PIGB: variants seen among roughly 807,000 people sequenced by gnomAD.
The protein encoded by PIGB is phosphatidylinositol glycan anchor biosynthesis class B.
Under a neutral mutation model 68.4 loss-of-function variants are expected in PIGB, and 58 were observed. The observed-to-expected ratio is 0.85, with a 90% CI of 0.69 to 1.06. The LOEUF (loss-of-function observed/expected upper bound fraction) is 1.06, where lower values mean the gene tolerates loss of function less well. Ranked by LOEUF, PIGB falls within the 50% of genes least tolerant of loss-of-function variation. The probability of loss-of-function intolerance (pLI) is 0.00; values close to 1 mark genes in which losing one functional copy is unlikely to be tolerated. For synonymous variants in PIGB, 219 were observed against 220.5 expected (o/e 0.99, Z 0.06); for missense variants, 634 against 655.8 (o/e 0.97, Z 0.36).
chr15:55,329,022 T>C (rs2055352998), intron 4 of PIGB, among the ~76,000 whole-genome samples: 1 of 152,120 alleles, frequency 6.6e-6, no homozygotes, highest in Admixed American at 6.5e-5. Context: ...TTCATGAAAA[T>C]TGGGAACATT....
At chr15:55,345,266 A>C (rs1019890432) in intron 9 of PIGB, among the ~76,000 whole-genome samples, 3 of 152,098 alleles carry the variant, frequency 2.0e-5, no homozygotes, top group Non-Finnish European at 2.9e-5. Flanking sequence ...TAAAAAAAAA[A>C]ATTGTTCCCC....
At chr15:55,340,492 A>T (rs1159837097) in intron 7 of PIGB, 120 bp from the exon 8 acceptor site, 5 of 594,648 alleles carry the variant, frequency 8.4e-6, no homozygotes. Flanking sequence ...AATGTAAACT[A>T]TTGCCTGGTT....
intron 3 of PIGB, among the ~76,000 whole-genome samples, chr15:55,325,185 G>C (rs756550556): frequency 6.6e-6 from 1 of 151,968 alleles, no homozygotes; most frequent in East Asian, 1.9e-4. Context: ...AATTATACAG[G>C]CATGGTGGCG....
intron 3 of PIGB, among the ~76,000 whole-genome samples, chr15:55,323,401 T>C (rs1595768275): frequency 6.6e-6 from 1 of 152,046 alleles, no homozygotes; most frequent in African/African-American, 2.4e-5. Flanking sequence ...GGTGGGAGGA[T>C]TGCTTGAGGC....
rs2056044343 is a variant in PIGB, at chr15:55,355,059, A to G, written c.1518+81A>G. 1.5e-5 allele frequency: 18 copies of G among 1,192,246 alleles called. No homozygotes were observed. In the Admixed American group the frequency reaches 2.0e-4, roughly 13 times the overall value. The allele number at this position is 1,192,246 out of a possible 1,614,324, so 73.9% of individuals were successfully genotyped here. A position where few individuals can be genotyped will look rare whatever the true frequency, so the allele number is the denominator to read the frequency against. On this transcript the variant is annotated intron_variant, in intron 11 of 11. Transcript: ENST00000164305. ...GGAAACCCTCAGGTAAATAGATAATATAACCTTTTTATGGTCTGTTTCAAC... is the reference window on the plus strand; with the variant it reads ...GGAAACCCTCAGGTAAATAGATAATGTAACCTTTTTATGGTCTGTTTCAAC...
chr15:55,334,123 T>C, intron 6 of PIGB, 116 bp downstream of exon 6: 1 of 632,922 alleles, frequency 1.6e-6, no homozygotes, highest in South Asian at 3.6e-5. Flanking sequence ...TGAGAACTCT[T>C]AGTCCAAGGA....
chr15:55,345,917 T>G (rs907684879), intron 9 of PIGB, among the ~76,000 whole-genome samples: 3 of 152,232 alleles, frequency 2.0e-5, no homozygotes, highest in African/African-American at 7.2e-5. Context: ...AAACTAAGCT[T>G]TCTCAAAGAG....
chr15:55,321,760 C>T (rs1445891123), intron 3 of PIGB, among the ~76,000 whole-genome samples: 1 of 143,292 alleles, frequency 7.0e-6, no homozygotes, highest in Non-Finnish European at 1.5e-5. Context: ...TCAAGCGATT[C>T]TCCTGCCTCA....
At chr15:55,348,346 C>CAAATAATTGAGAACAAA (rs2055849062) in intron 9 of PIGB, 1 of 152,250 alleles carries the variant, frequency 6.6e-6, no homozygotes, top group Admixed American at 6.5e-5. Context: ...TAAGTATCTT[C>CAAATAATTGAGAACAAA]AAATAATTGA....
intron 9 of PIGB, among the ~76,000 whole-genome samples, chr15:55,344,256 T>C (rs1043752379): frequency 6.6e-6 from 1 of 152,256 alleles, no homozygotes; most frequent in Non-Finnish European, 1.5e-5. Flanking sequence ...GATAGCTCTA[T>C]TGACCTAGGC....
At chr15:55,344,195 T>G (rs2055737843) in intron 9 of PIGB, among the ~76,000 whole-genome samples, 1 of 152,244 alleles carries the variant, frequency 6.6e-6, no homozygotes. Flanking sequence ...ACATTTCAAC[T>G]GGGCAGTTCT....
chr15:55,340,568 T>G, intron 7 of PIGB, 44 bp from the exon 8 acceptor site: 1 of 1,306,268 alleles, frequency 7.7e-7, no homozygotes, highest in Non-Finnish European at 1.1e-6. Flanking sequence ...GATTACTACT[T>G]GGCACTAACA....
intron 3 of PIGB, among the ~76,000 whole-genome samples, chr15:55,327,303 G>A (rs1198156096): frequency 2.7e-5 from 4 of 149,930 alleles, no homozygotes. Flanking sequence ...CAGAGAATGA[G>A]ACTGGTAAAA....
chr15:55,329,940 C>A, intron 5 of PIGB, 86 bp downstream of exon 5: 3 of 941,974 alleles, frequency 3.2e-6, no homozygotes, highest in Non-Finnish European at 4.7e-6. Context: ...GTCTAGTAGA[C>A]CCCCTAATTT....
chr15:55,342,672 C>T (rs567565232), intron 9 of PIGB, among the ~76,000 whole-genome samples: 14 of 152,358 alleles, frequency 9.2e-5, no homozygotes, highest in Admixed American at 2.0e-4. Context: ...GGATTGCAGG[C>T]GTGAGCCACC....
chr15:55,336,510 G>T (rs935286780), intron 6 of PIGB, among the ~76,000 whole-genome samples: 1 of 152,196 alleles, frequency 6.6e-6, no homozygotes, highest in Admixed American at 6.5e-5. Flanking sequence ...TTAGCCTACA[G>T]TTGAGCAAAA....
At chr15:55,352,906 TTAAC>T (rs2055955370) in intron 10 of PIGB, among the ~76,000 whole-genome samples, 6 of 152,244 alleles carry the variant, frequency 3.9e-5, no homozygotes, top group African/African-American at 9.6e-5. Context: ...ATACTCCTAT[TTAAC>T]TAATCATTAA....
chr15:55,341,888 A>G, intron 9 of PIGB, 86 bp downstream of exon 9: 1 of 502,220 alleles, frequency 2.0e-6, no homozygotes, highest in Non-Finnish European at 3.4e-6. Flanking sequence ...GTCTATTTTC[A>G]ACTAGGTTAA....
chr15:55,322,419 T>C (rs2055189067), intron 3 of PIGB, among the ~76,000 whole-genome samples: 1 of 152,156 alleles, frequency 6.6e-6, no homozygotes, highest in Non-Finnish European at 1.5e-5. Context: ...AGGCTATTAA[T>C]TGCTGGGGTC....
Sources: gnomAD v4.1 joint callset for allele counts (sites outside exome capture counted in the v4.1 genomes callset) on GRCh38, gnomAD v4.1.1 for gene constraint, MANE v1.5 for transcripts, NCBI Gene and HGNC (gene_info 2026-07-23, HGNC 2026-07-21) for gene names.